CAMK1D: variants seen among roughly 807,000 people sequenced by gnomAD.
CAMK1D encodes calcium/calmodulin dependent protein kinase ID, also known as calcium/calmodulin-dependent protein kinase type 1D.
A neutral mutation model predicts 47.7 loss-of-function variants in CAMK1D; 9 were observed. That is an observed-to-expected ratio of 0.19 (90% CI 0.11 to 0.33). CAMK1D has a LOEUF of 0.33. CAMK1D is among the 10% of genes least tolerant of loss of function. The probability of loss-of-function intolerance (pLI) is 1.00; values close to 1 mark genes in which losing one functional copy is unlikely to be tolerated. For synonymous variants in CAMK1D, 184 were observed against 184.9 expected, an observed-to-expected ratio of 0.99 and a Z score of 0.04; for missense variants, 291 against 488.7, an observed-to-expected ratio of 0.60 and a Z score of 3.81.
intron 2 of CAMK1D, among the ~76,000 whole-genome samples, chr10:12,560,554 GGAA>G (rs1376594384): frequency 2.9e-4 from 26 of 89,032 alleles, no homozygotes; most frequent in South Asian, 6.3e-4. Context: ...ACTCTATCTC[GGAA>G]AAAAAAAAAA....
chr10:12,428,035 A>G (rs946747968), intron 1 of CAMK1D, among the ~76,000 whole-genome samples: 10 of 152,084 alleles, frequency 6.6e-5, no homozygotes, highest in African/African-American at 2.2e-4. Flanking sequence ...ATTAATTATT[A>G]TACTTTAAGT....
chr10:12,702,661 C>T (rs1833570939), intron 3 of CAMK1D, among the ~76,000 whole-genome samples: 1 of 152,162 alleles, frequency 6.6e-6, no homozygotes, highest in African/African-American at 2.4e-5. Flanking sequence ...CCCAGTTTTA[C>T]AAGAGAAGGA....
intron 6 of CAMK1D, among the ~76,000 whole-genome samples, chr10:12,792,960 GCACA>G (rs57459634): frequency 0.17 from 11,581 of 68,286 alleles, 524 homozygotes; most frequent in East Asian, 0.23. Flanking sequence ...ATGTGTGCGC[GCACA>G]CACACACACA....
intron 1 of CAMK1D, among the ~76,000 whole-genome samples, chr10:12,417,876 A>G (rs1462924446): frequency 1.3e-5 from 2 of 151,372 alleles, no homozygotes; most frequent in African/African-American, 4.9e-5. Flanking sequence ...ATCTTGGCTC[A>G]CTGCAACCTC....
chr10:12,426,391 C>A (rs571280409), intron 1 of CAMK1D, among the ~76,000 whole-genome samples: 6 of 152,260 alleles, frequency 3.9e-5, no homozygotes, highest in African/African-American at 1.4e-4. Context: ...GGATTACAGG[C>A]ATGCGCCACC....
At chr10:12,458,026 C>A (rs545463164) in intron 1 of CAMK1D, among the ~76,000 whole-genome samples, 1 of 152,170 alleles carries the variant, frequency 6.6e-6, no homozygotes, top group Non-Finnish European at 1.5e-5. Flanking sequence ...AAAAGCAAAT[C>A]AGCCAGGGAA....
At chr10:12,585,746 CGTG>C (rs1389499518) in intron 2 of CAMK1D, among the ~76,000 whole-genome samples, 1 of 152,156 alleles carries the variant, frequency 6.6e-6, no homozygotes, top group East Asian at 1.9e-4. Context: ...TCCCACAACA[CGTG>C]GGAATTATGG....
At chr10:12,435,221 CAAAAAA>C (rs910066372) in intron 1 of CAMK1D, among the ~76,000 whole-genome samples, 5 of 44,030 alleles carry the variant, frequency 1.1e-4, no homozygotes, top group African/African-American at 4.8e-4. Context: ...AACTCTGTCT[CAAAAAA>C]AAAAAAAAAA....
chr10:12,532,410 G>T (rs1368114053), intron 1 of CAMK1D, among the ~76,000 whole-genome samples: 1 of 151,150 alleles, frequency 6.6e-6, no homozygotes, highest in Non-Finnish European at 1.5e-5. Flanking sequence ...CTCCCAAGTA[G>T]CTGGGACTAC....
At chr10:12,700,915 ATG>A (rs1833492450) in intron 3 of CAMK1D, among the ~76,000 whole-genome samples, 1 of 152,212 alleles carries the variant, frequency 6.6e-6, no homozygotes, top group African/African-American at 2.4e-5. Context: ...TTACATTCTA[ATG>A]TTCTTAACTA....
At chr10:12,777,061 G>A (rs1360639298) in intron 5 of CAMK1D, among the ~76,000 whole-genome samples, 3 of 152,158 alleles carry the variant, frequency 2.0e-5, no homozygotes, top group African/African-American at 7.2e-5. Context: ...GAGTAATGAG[G>A]ATCAACTAGA....
Position 12,405,805 on chromosome 10 carries a change from T to A in CAMK1D, c.92+55895T>A, listed in dbSNP as rs574035840. On this transcript the variant is annotated intron_variant, in intron 1 of 10. Transcript: ENST00000619168. ...CAAACACTTAGCTTTAATATTGGCA[T>A]GCGTTGTTAAACATTTATTACAAGT... is the stretch of plus-strand genomic sequence containing the variant. 3.9e-4 allele frequency among the ~76,000 whole-genome samples: 59 copies of A among 152,354 alleles called. 1 individual carries two copies. The South Asian group carries it at 0.011, about 29-fold the overall frequency.
chr10:12,420,227 G>A (rs1840004097), intron 1 of CAMK1D, among the ~76,000 whole-genome samples: 1 of 152,180 alleles, frequency 6.6e-6, no homozygotes, highest in African/African-American at 2.4e-5. Context: ...CAAAGTGCTG[G>A]GATTAGAGGC....
At chr10:12,534,618 G>A (rs188996686) in intron 1 of CAMK1D, among the ~76,000 whole-genome samples, 35 of 152,184 alleles carry the variant, frequency 2.3e-4, no homozygotes, top group Non-Finnish European at 3.8e-4. Flanking sequence ...TGCCCACCTC[G>A]GCCTCCCAAA....
At chr10:12,353,943 C>G (rs1368549888) in intron 1 of CAMK1D, among the ~76,000 whole-genome samples, 2 of 152,040 alleles carry the variant, frequency 1.3e-5, no homozygotes, top group Non-Finnish European at 2.9e-5. Flanking sequence ...TAAAAAAACC[C>G]CTAAAATACT....
intron 3 of CAMK1D, among the ~76,000 whole-genome samples, chr10:12,737,148 C>T (rs958534943): frequency 2.0e-5 from 3 of 152,104 alleles, no homozygotes; most frequent in South Asian, 2.1e-4. Context: ...CTCCCACCCT[C>T]GCCCCCATCC....
intron 1 of CAMK1D, among the ~76,000 whole-genome samples, chr10:12,411,131 C>T (rs1394037529): frequency 6.6e-6 from 1 of 152,214 alleles, no homozygotes; most frequent in Non-Finnish European, 1.5e-5. Flanking sequence ...CAAACATTGG[C>T]TCAGGGAGTA....
At position 12,480,513 on chromosome 10, in the gene CAMK1D, C is replaced by G. The variant is rs1834034307; in HGVS notation, c.93-72712C>G. On this transcript the variant is annotated intron_variant, in intron 1 of 10. Transcript: ENST00000619168. ...TATAGAGCCATTATTTGCTAGGTAC[C>G]TCTAATAGCAATCCCTTTGATAGCA... Among the ~76,000 whole-genome samples, 3 of 152,188 alleles carry G rather than the reference C, an allele frequency of 2.0e-5. No homozygotes were observed. In the South Asian group the frequency reaches 6.2e-4, roughly 32 times the overall value.
At chr10:12,536,749 A>T (rs761560306) in intron 1 of CAMK1D, among the ~76,000 whole-genome samples, 2 of 152,180 alleles carry the variant, frequency 1.3e-5, no homozygotes, top group Non-Finnish European at 2.9e-5. Flanking sequence ...TTACAGATTG[A>T]TATAAACGGA....
Sources: gnomAD v4.1 joint callset for allele counts (sites outside exome capture counted in the v4.1 genomes callset) on GRCh38, gnomAD v4.1.1 for gene constraint, MANE v1.5 for transcripts, NCBI Gene and HGNC (gene_info 2026-07-23, HGNC 2026-07-21) for gene names.